The following DPYD variants were observed in gnomAD, a reference collection of about 807,000 sequenced individuals.
DPYD encodes dihydropyrimidine dehydrogenase.
In DPYD, 109 loss-of-function variants were observed where a neutral mutation model predicts 116.2. The ratio of observed to expected loss-of-function variants is 0.94; its 90% CI spans 0.80 to 1.10. The LOEUF (loss-of-function observed/expected upper bound fraction) is 1.10, where lower values mean the gene tolerates loss of function less well. DPYD is among the 50% of genes least tolerant of loss of function. DPYD has a pLI of 0.00. For missense variants in DPYD, 1,302 were observed against 1,254.5 expected (o/e 1.04, Z -0.57); for synonymous variants, 440 against 432.0 (o/e 1.02, Z -0.23).
chr1:97,586,535 T>C (rs1654138675), intron 10 of DPYD, among the ~76,000 whole-genome samples: 1 of 134,302 alleles, frequency 7.4e-6, no homozygotes, highest in African/African-American at 2.8e-5. Flanking sequence ...GAAAAAAATA[T>C]ATATAGAAGA....
chr1:97,243,737 G>A (rs1662531413), intron 18 of DPYD, among the ~76,000 whole-genome samples: 1 of 151,898 alleles, frequency 6.6e-6, no homozygotes. Flanking sequence ...AAGTAGAATA[G>A]CTAGTAATTG....
chr1:97,690,034 A>G (rs1660933644), intron 7 of DPYD, among the ~76,000 whole-genome samples: 1 of 152,088 alleles, frequency 6.6e-6, no homozygotes, highest in African/African-American at 2.4e-5. Flanking sequence ...ATTCAAATGT[A>G]CAAAATGTTG....
At chr1:97,110,814 G>T (rs1308894858) in intron 20 of DPYD, among the ~76,000 whole-genome samples, 1 of 151,854 alleles carries the variant, frequency 6.6e-6, no homozygotes, top group Non-Finnish European at 1.5e-5. Context: ...TTTTGTTTGT[G>T]CTCATCTAAC....
intron 7 of DPYD, among the ~76,000 whole-genome samples, chr1:97,680,544 C>G (rs75294762): frequency 0.12 from 18,913 of 152,128 alleles, 1,260 homozygotes; most frequent in Middle Eastern, 0.15. Context: ...ACTCCAATTA[C>G]AGAAGGAGAT....
chr1:97,171,645 C>CGTAA (rs1337705439), intron 20 of DPYD, among the ~76,000 whole-genome samples: 3 of 152,142 alleles, frequency 2.0e-5, no homozygotes, highest in Non-Finnish European at 2.9e-5. Context: ...TCATACCTTA[C>CGTAA]ATAAATCATT....
Position 97,370,221 on chromosome 1 carries a change from T to C in DPYD, c.2058+3340A>G, listed in dbSNP as rs12029685. Among the ~76,000 whole-genome samples the C allele has an allele frequency of 8.7e-4, 132 of 152,232 alleles. No homozygotes were observed. In the East Asian group the frequency reaches 0.024, roughly 27 times the overall value. On this transcript the variant is annotated intron_variant, in intron 16 of 22. Transcript: ENST00000370192. ...ACACTGTCTTCCACAATATACACCA[T>C]GGAATACTATGCAGCCATAAAAAAT...
intron 5 of DPYD, among the ~76,000 whole-genome samples, chr1:97,714,748 G>A (rs1662514831): frequency 6.6e-6 from 1 of 151,538 alleles, no homozygotes. Flanking sequence ...GAAAAACAAG[G>A]ACTTGTGAGG....
chr1:97,648,451 G>A lies in DPYD; in HGVS notation c.850+30644C>T, dbSNP rs114331770. Among the ~76,000 whole-genome samples, 1,074 of 151,752 alleles carry A rather than the reference G, an allele frequency of 7.1e-3. 8 individuals are homozygous for A. The highest frequency in any genetic ancestry group is 0.012 in the Non-Finnish European group (802 of 67,834). On this transcript the variant is annotated intron_variant, in intron 8 of 22. Coordinates refer to ENST00000370192, the MANE Select transcript of DPYD (RefSeq NM_000110.4). Reference sequence around the variant, plus strand: ...GTTTGATAGGAAGCTAAATACTTGGGGAATAAACCTGGATTTCCTGTTATA... The same window carrying A: ...GTTTGATAGGAAGCTAAATACTTGGAGAATAAACCTGGATTTCCTGTTATA...
intron 8 of DPYD, among the ~76,000 whole-genome samples, chr1:97,606,582 G>C (rs556073418): frequency 6.6e-6 from 1 of 152,052 alleles, no homozygotes; most frequent in South Asian, 2.1e-4. Context: ...GAGTAGATAG[G>C]AGGAGACAGG....
chr1:97,209,327 T>C (rs773371454), intron 19 of DPYD, among the ~76,000 whole-genome samples: 6 of 152,198 alleles, frequency 3.9e-5, no homozygotes, highest in Admixed American at 1.3e-4. Context: ...CCATTGCTTA[T>C]ATTTTGAATC....
intron 3 of DPYD, among the ~76,000 whole-genome samples, chr1:97,741,007 C>A (rs1296653756): frequency 6.6e-6 from 1 of 152,118 alleles, no homozygotes. Flanking sequence ...ATTCACAGGA[C>A]AATTGAGTTC....
At chr1:97,758,225 G>T (rs1321292782) in intron 3 of DPYD, among the ~76,000 whole-genome samples, 4 of 152,050 alleles carry the variant, frequency 2.6e-5, no homozygotes, top group African/African-American at 9.7e-5. Flanking sequence ...CTTAACCTCT[G>T]CTAAGTGAAA....
intron 13 of DPYD, among the ~76,000 whole-genome samples, chr1:97,484,944 T>C (rs915226529): frequency 9.9e-5 from 15 of 152,212 alleles, no homozygotes; most frequent in Admixed American, 2.6e-4. Flanking sequence ...GTCTCTGTCT[T>C]TATGTCAAGG....
At chr1:97,250,500 T>C (rs1182307088) in intron 18 of DPYD, among the ~76,000 whole-genome samples, 1 of 152,062 alleles carries the variant, frequency 6.6e-6, no homozygotes, top group African/African-American at 2.4e-5. Flanking sequence ...ATCCATCAAT[T>C]GGAGAATGAA....
intron 13 of DPYD, among the ~76,000 whole-genome samples, chr1:97,461,113 T>C (rs1677005488): frequency 6.6e-6 from 1 of 152,174 alleles, no homozygotes; most frequent in Non-Finnish European, 1.5e-5. Context: ...TGGGACACTT[T>C]ATCTGCATAT....
At chr1:97,107,215 C>T (rs967135466) in intron 20 of DPYD, among the ~76,000 whole-genome samples, 2 of 152,016 alleles carry the variant, frequency 1.3e-5, no homozygotes, top group Non-Finnish European at 2.9e-5. Flanking sequence ...TGCAGATGAC[C>T]CCTCCTTTAT....
intron 18 of DPYD, among the ~76,000 whole-genome samples, chr1:97,304,796 T>G (rs1231373332): frequency 6.6e-6 from 1 of 151,984 alleles, no homozygotes; most frequent in Admixed American, 6.6e-5. Flanking sequence ...TGCAAATGTC[T>G]TGTCAGCTGA....
At position 97,736,834 on chromosome 1, in the gene DPYD, G is replaced by T. The variant is rs111559770; in HGVS notation, c.321+3558C>A. On this transcript the variant is annotated intron_variant, in intron 4 of 22. Coordinates refer to ENST00000370192, the MANE Select transcript of DPYD (RefSeq NM_000110.4). Reference sequence around the variant, plus strand: ...GAATATAACAGAGATAGAGGTGGGGGTGTGTGTGTGTGCATTTGTGTGTGT... The same window carrying T: ...GAATATAACAGAGATAGAGGTGGGGTTGTGTGTGTGTGCATTTGTGTGTGT... Among the ~76,000 whole-genome samples the T allele has an allele frequency of 8.0e-3, 1,139 of 142,270 alleles. 12 individuals carry two copies. The highest frequency in any genetic ancestry group is 0.029 in the African/African-American group (1,088 of 37,454). 93.3% of individuals were successfully genotyped at this position (142,270 alleles called of 152,430 possible). A position where few individuals can be genotyped will look rare whatever the true frequency, so the allele number is the denominator to read the frequency against.
intron 12 of DPYD, among the ~76,000 whole-genome samples, chr1:97,534,121 A>G (rs1454717927): frequency 6.6e-6 from 1 of 152,204 alleles, no homozygotes; most frequent in Non-Finnish European, 1.5e-5. Flanking sequence ...TACATATGGC[A>G]GGCATTTCAT....
Sources: allele counts gnomAD v4.1 joint callset (sites outside exome capture counted in the v4.1 genomes callset), GRCh38; gene constraint gnomAD v4.1.1; transcripts MANE v1.5; gene names NCBI Gene and HGNC (gene_info 2026-07-23, HGNC 2026-07-21).